Variants in SNAP23 observed in about 807,000 individuals in gnomAD.
SNAP23 encodes synaptosomal-associated protein 23.
SNAP23 carries 11 observed loss-of-function variants against 29.0 expected under a neutral mutation model. The ratio of observed to expected loss-of-function variants is 0.38; its 90% CI spans 0.24 to 0.63. SNAP23 has a LOEUF of 0.63. Ranked by LOEUF, SNAP23 falls within the 20% of genes least tolerant of loss-of-function variation. The pLI, the probability that SNAP23 is intolerant of heterozygous loss-of-function variation, is 0.58. For synonymous variants in SNAP23, 60 were observed against 82.9 expected (o/e 0.72, Z 1.50); for missense variants, 220 against 253.9 (o/e 0.87, Z 0.91).
At chr15:42,502,096 T>C (rs8034001) in intron 1 of SNAP23, among the ~76,000 whole-genome samples, 7,075 of 151,278 alleles carry the variant, frequency 0.047, 551 homozygotes, top group African/African-American at 0.16. Context: ...GGCGCGATCT[T>C]GGCTGACTGC....
chr15:42,511,417 T>C (rs930853157), intron 1 of SNAP23, among the ~76,000 whole-genome samples: 1 of 152,248 alleles, frequency 6.6e-6, no homozygotes, highest in South Asian at 2.1e-4. Flanking sequence ...CTTCAAATTT[T>C]GTTACTTTAC....
chr15:42,529,881 A>C, intron 7 of SNAP23, 62 bp downstream of exon 7: 2 of 1,558,468 alleles, frequency 1.3e-6, no homozygotes, highest in East Asian at 2.2e-5. Flanking sequence ...AGTAATAGAC[A>C]TCTGTGCTAG....
At chr15:42,515,446 A>G (rs763965759) in intron 5 of SNAP23, 92 bp downstream of exon 5, 142 of 724,212 alleles carry the variant, frequency 2.0e-4, no homozygotes, top group Non-Finnish European at 3.0e-4. Flanking sequence ...ACTGGGCTTA[A>G]TGAGGAACTC....
At chr15:42,504,637 T>G (rs2057302869) in intron 1 of SNAP23, among the ~76,000 whole-genome samples, 1 of 152,236 alleles carries the variant, frequency 6.6e-6, no homozygotes, top group South Asian at 2.1e-4. Context: ...CTAAGTACTT[T>G]GTGTAGATCA....
chr15:42,501,574 T>G (rs896224917), intron 1 of SNAP23, among the ~76,000 whole-genome samples: 11 of 152,100 alleles, frequency 7.2e-5, no homozygotes, highest in South Asian at 4.1e-4. Context: ...TGATTTTTTT[T>G]TTGTTGTTTA....
chr15:42,528,277 G>A lies in SNAP23; in HGVS notation c.282G>A (p.Glu94=), dbSNP rs752409135. The change falls in exon 6 of 8, where the codon GAG becomes GAA. Residue 94 remains glutamate, a synonymous_variant. Transcript: ENST00000249647. ...TCTTATATAGAACAAAGAACTTTGA[G>A]TCTGGCAAGGCTTATAAGACAACAT... is the stretch of plus-strand genomic sequence containing the variant. The part of the protein sequence containing the change: ...VCPCNRTKNF[E]SGKAYKTTWG... 8.1e-6 allele frequency: 13 copies of A among 1,613,910 alleles called. No homozygotes were observed. Among genetic ancestry groups the A allele is most frequent in the African/African-American group, 8.0e-5 (6 of 74,886 alleles).
At chr15:42,508,025 G>A (rs2057328320) in intron 1 of SNAP23, among the ~76,000 whole-genome samples, 2 of 152,132 alleles carry the variant, frequency 1.3e-5, no homozygotes, top group South Asian at 2.1e-4. Context: ...GGAGGCTGAG[G>A]TGGGAGGATT....
At chr15:42,494,389 G>A (rs2057197841), upstream of SNAP23, among the ~76,000 whole-genome samples, 1 of 145,302 alleles carries the variant, frequency 6.9e-6, no homozygotes, top group African/African-American at 2.6e-5. Flanking sequence ...CTTACTCCTT[G>A]AAGCACTTTT....
At chr15:42,504,019 G>A (rs2057297617) in intron 1 of SNAP23, among the ~76,000 whole-genome samples, 1 of 151,982 alleles carries the variant, frequency 6.6e-6, no homozygotes, top group Admixed American at 6.6e-5. Context: ...GTAAAAGGAG[G>A]AAGCCATCCT....
Position 42,507,630 on chromosome 15 carries a change from G to C in SNAP23, c.-14-4203G>C, listed in dbSNP as rs147946919. Among the ~76,000 whole-genome samples, 188 of 152,182 alleles carry C rather than the reference G, an allele frequency of 1.2e-3. 2 individuals are homozygous for C. The highest frequency in any genetic ancestry group is 3.7e-3 in the African/African-American group (155 of 41,504). On this transcript the variant is annotated intron_variant, in intron 1 of 7. Transcript: ENST00000249647. ...CCAGTTCTCTTTTCTGTAATATTCT[G>C]GGTAACCTTTTCCTGATTCCGTAAG...
rs759674294 is a variant in SNAP23 at position 42,531,570 on chromosome 15, G to A, written c.*92G>A. ...TCAGAGTTTAAGTTTTCGGTTCCACGCTCTTCTAATTGGGAGATAATATGG... is the reference window on the plus strand; with the variant it reads ...TCAGAGTTTAAGTTTTCGGTTCCACACTCTTCTAATTGGGAGATAATATGG... On this transcript the variant is annotated 3_prime_UTR_variant, in exon 8 of 8. Coordinates refer to ENST00000249647, the MANE Select transcript of SNAP23 (RefSeq NM_003825.4). 5 of 930,710 alleles carry A rather than the reference G, an allele frequency of 5.4e-6. No individual in the cohort carries two copies. The highest frequency in any genetic ancestry group is 2.6e-5 in the East Asian group (1 of 38,940). 57.7% of individuals were successfully genotyped at this position (930,710 alleles called of 1,614,324 possible).
At chr15:42,527,591 G>A (rs919370034) in intron 5 of SNAP23, among the ~76,000 whole-genome samples, 4 of 151,950 alleles carry the variant, frequency 2.6e-5, no homozygotes, top group African/African-American at 9.7e-5. Flanking sequence ...TTTGAGGCAG[G>A]GAGCAGTGGC....
chr15:42,506,032 C>T (rs759371990), intron 1 of SNAP23, among the ~76,000 whole-genome samples: 2 of 150,890 alleles, frequency 1.3e-5, no homozygotes, highest in African/African-American at 4.9e-5. Flanking sequence ...TGCAACCACT[C>T]CCTCCCGGGT....
intron 5 of SNAP23, among the ~76,000 whole-genome samples, chr15:42,524,566 A>C (rs974841241): frequency 1.3e-5 from 2 of 152,144 alleles, no homozygotes; most frequent in Non-Finnish European, 2.9e-5. Flanking sequence ...ATGAGAATCT[A>C]ACTAATGCCT....
In SNAP23 at chr15:42,528,005, C is replaced by T. The variant is rs186065451; in HGVS notation, c.267-257C>T. ...TCAAATAGTTGCCTTTTGCTACTTG[C>T]TAACAGCCTAGTGAAGATTTGGTAG... On this transcript the variant is annotated intron_variant, in intron 5 of 7. Coordinates refer to ENST00000249647, the MANE Select transcript of SNAP23 (RefSeq NM_003825.4). The T allele has an allele frequency of 3.9e-4, 144 of 367,042 alleles. No homozygotes were observed. In the South Asian group the frequency reaches 3.9e-3, roughly 10 times the overall value. 22.7% of individuals were successfully genotyped at this position (367,042 alleles called of 1,614,324 possible).
intron 6 of SNAP23, among the ~76,000 whole-genome samples, 168 bp downstream of exon 6, chr15:42,528,588 TTTG>T (rs1016845060): frequency 9.9e-5 from 15 of 152,096 alleles, no homozygotes; most frequent in African/African-American, 3.6e-4. Flanking sequence ...GTTTTTTTTA[TTTG>T]TTGTTTTGTT....
intron 2 of SNAP23, among the ~76,000 whole-genome samples, chr15:42,512,544 A>G (rs1466699525): frequency 6.6e-6 from 1 of 151,650 alleles, no homozygotes; most frequent in Non-Finnish European, 1.5e-5. Context: ...ACGCCCAGCT[A>G]ATTTTTGTAT....
chr15:42,499,705 T>C (rs1449736837), intron 1 of SNAP23, among the ~76,000 whole-genome samples: 2 of 152,182 alleles, frequency 1.3e-5, no homozygotes, highest in Non-Finnish European at 2.9e-5. Flanking sequence ...TGCTCAGCAC[T>C]TTGGAAGATA....
intron 5 of SNAP23, 45 bp downstream of exon 5, chr15:42,515,399 AC>A: frequency 8.5e-7 from 1 of 1,178,036 alleles, no homozygotes; most frequent in Non-Finnish European, 1.2e-6. Context: ...TAATGAGAGT[AC>A]CCCACCTTCT....
Sources: gnomAD v4.1 joint callset for allele counts (sites outside exome capture counted in the v4.1 genomes callset) on GRCh38, gnomAD v4.1.1 for gene constraint, MANE v1.5 for transcripts, NCBI Gene and HGNC (gene_info 2026-07-23, HGNC 2026-07-21) for gene names.